The following UBR4 variants were observed in gnomAD, a reference collection of about 807,000 sequenced individuals.
The protein encoded by UBR4 is E3 ubiquitin-protein ligase UBR4.
In UBR4, 124 loss-of-function variants were observed where a neutral mutation model predicts 575.6. The ratio of observed to expected loss-of-function variants is 0.22; its 90% CI spans 0.19 to 0.25. The LOEUF (loss-of-function observed/expected upper bound fraction) is 0.25, where lower values mean the gene tolerates loss of function less well. Ranked by LOEUF, UBR4 falls within the 10% of genes least tolerant of loss-of-function variation. The pLI, the probability that UBR4 is intolerant of heterozygous loss-of-function variation, is 1.00. For missense variants in UBR4, 4,818 were observed against 6,478.8 expected, an observed-to-expected ratio of 0.74 and a Z score of 8.80; for synonymous variants, 2,455 against 2,473.7, an observed-to-expected ratio of 0.99 and a Z score of 0.22.
Position 19,084,698 on chromosome 1 carries a change from T to C in UBR4, c.14814A>G (p.Arg4938=), listed in dbSNP as rs2076837111. The C allele has an allele frequency of 2.5e-6, 4 of 1,594,496 alleles. No homozygotes were observed. Among genetic ancestry groups the C allele is most frequent in the African/African-American group, 2.7e-5 (2 of 74,512 alleles). The change falls in exon 102 of 106, where the codon AGA becomes AGG. Residue 4938 remains arginine, a splice_region_variant and synonymous_variant. Coordinates refer to ENST00000375254, the MANE Select transcript of UBR4 (RefSeq NM_020765.3). ...TACATTCCTGGAGGTAAGTGTTGTGTCTAGAGGGAAGCAGAACAAACAATG... is the reference window on the plus strand; with the variant it reads ...TACATTCCTGGAGGTAAGTGTTGTGCCTAGAGGGAAGCAGAACAAACAATG... ...PESAFATCLA[R]HNTYLQECTG...
intron 50 of UBR4, 125 bp downstream of exon 50, chr1:19,148,438 T>C: frequency 7.8e-7 from 1 of 1,280,258 alleles, no homozygotes; most frequent in Non-Finnish European, 1.1e-6. Context: ...CTCTGGAGCT[T>C]CTTAGCAAAT....
intron 60 of UBR4, among the ~76,000 whole-genome samples, chr1:19,132,885 T>A (rs570671621): frequency 1.2e-4 from 19 of 152,182 alleles, no homozygotes; most frequent in African/African-American, 4.3e-4. Context: ...AACAAATTCC[T>A]TGTAAAATAC....
chr1:19,118,948 ACTC>A lies in UBR4; in HGVS notation c.10462_10464del (p.Glu3488del). 1 of 1,614,068 alleles carries A rather than the reference ACTC, an allele frequency of 6.2e-7. No homozygotes were observed. Among genetic ancestry groups the A allele is most frequent in the Non-Finnish European group, 8.5e-7 (1 of 1,179,970 alleles). On this transcript the variant is annotated inframe_deletion, in exon 71 of 106. Coordinates refer to ENST00000375254, the MANE Select transcript of UBR4 (RefSeq NM_020765.3). The stretch of plus-strand genomic sequence containing the variant: ...AGAATCTCCACAGCCTTCTGTGAAT[ACTC>A]CTTCAACTGAAACAGAATTCAGTAA...
At position 19,126,531 on chromosome 1, in the gene UBR4, G is replaced by A. The variant is rs764961768; in HGVS notation, c.9353C>T (p.Pro3118Leu). 1.2e-6 allele frequency: 2 copies of A among 1,614,114 alleles called. No homozygotes were observed. The highest frequency in any genetic ancestry group is 1.3e-5 in the African/African-American group (1 of 74,938). ...TTTCAGCAACTGGCTGGTAGCCACA[G>A]GCTCCTCGTCATTCTGTTGGCTCTT... ...YWKSQQNDEE[P>L]VATSQLLKPH... The change falls in exon 64 of 106, where the codon CCT becomes CTT. Residue 3118 changes from proline (P) to leucine (L), a missense_variant. By Grantham distance (98) the Pro-to-Leu change is moderately conservative. Transcript: ENST00000375254.
intron 97 of UBR4, among the ~76,000 whole-genome samples, chr1:19,090,343 C>G (rs970218908): frequency 1.3e-5 from 2 of 152,224 alleles, no homozygotes; most frequent in Admixed American, 6.5e-5. Context: ...TCAATTCACT[C>G]TCTGTAATAT....
In UBR4 at chr1:19,093,540, A is replaced by T. The variant is rs112436900; in HGVS notation, c.13938-54T>A. The T allele has an allele frequency of 1.7e-3, 2,609 of 1,579,652 alleles. 40 individuals are homozygous for T. The African/African-American group carries it at 0.031, about 19-fold the overall frequency. On this transcript the variant is annotated intron_variant, in intron 95 of 105. Coordinates refer to ENST00000375254, the MANE Select transcript of UBR4 (RefSeq NM_020765.3). The surrounding 1 kb of genome is among the most constrained non-coding windows in gnomAD (Gnocchi z 4.8). ...GTGAAAGGCGGGACAAAACCCAGTCATGTCACCCTCTTGGTTAACAACTGT... is the reference window on the plus strand; with the variant it reads ...GTGAAAGGCGGGACAAAACCCAGTCTTGTCACCCTCTTGGTTAACAACTGT...
Position 19,096,439 on chromosome 1 carries a change from GAC to G in UBR4, c.13518+82_13518+83del, listed in dbSNP as rs554467962. 1.6e-4 allele frequency: 248 copies of G among 1,544,372 alleles called. 1 individual carries two copies. The African/African-American group carries it at 3.2e-3, about 20-fold the overall frequency. The stretch of plus-strand genomic sequence containing the variant: ...ACCATGCTGCCCTCTAGGGTAAAAT[GAC>G]ACAGTGGCCATAGCTTCTTTCCACA... On this transcript the variant is annotated intron_variant, in intron 92 of 105. Transcript: ENST00000375254.
In UBR4 at chr1:19,124,659, G is replaced by A. The variant is rs2081532029; in HGVS notation, c.9470C>T (p.Thr3157Ile). 1 of 1,614,174 alleles carries A rather than the reference G, an allele frequency of 6.2e-7. No individual in the cohort carries two copies. The highest frequency in any genetic ancestry group is 8.5e-7 in the Non-Finnish European group (1 of 1,180,018). ...CAGTACCATTTCTGTTAGAAGCTGA[G>A]TATAGGCCTCAAACACATCAGCAGC... ...GHAADVFEAY[T>I]QLLTEMVLRL... The change falls in exon 65 of 106, where the codon ACT becomes ATT. Residue 3157 changes from threonine to isoleucine, a missense_variant. Physicochemically the swap from Thr to Ile is moderately conservative, Grantham distance 89 (BLOSUM62 -1). Coordinates refer to ENST00000375254, the MANE Select transcript of UBR4 (RefSeq NM_020765.3).
In UBR4 at chr1:19,161,204, C is replaced by T. The variant is rs1252032193; in HGVS notation, c.5176-57G>A. On this transcript the variant is annotated intron_variant, in intron 37 of 105. Coordinates refer to ENST00000375254, the MANE Select transcript of UBR4 (RefSeq NM_020765.3). ...TCTTGCCTCAAGCACAGAGGAAATA[C>T]TGCCTGAGATCTCCGAGGAAAATTT... The T allele has an allele frequency of 1.2e-5, 18 of 1,518,202 alleles. 1 individual carries two copies. The South Asian group carries it at 1.9e-4, about 16-fold the overall frequency. The allele number at this position is 1,518,202 out of a possible 1,614,324, so 94.0% of individuals were successfully genotyped here. A position where few individuals can be genotyped will look rare whatever the true frequency, so the allele number is the denominator to read the frequency against.
chr1:19,124,780 A>T, intron 64 of UBR4, 90 bp from the exon 65 acceptor site: 1 of 1,515,456 alleles, frequency 6.6e-7, no homozygotes, highest in Non-Finnish European at 8.9e-7. Flanking sequence ...GACGTATTAC[A>T]TGTTGGAGGT....
At chr1:19,114,188 T>C (rs555273797) in intron 75 of UBR4, 118 bp from the exon 76 acceptor site, 46 of 1,314,070 alleles carry the variant, frequency 3.5e-5, no homozygotes, top group Admixed American at 1.5e-4. Context: ...CTGTGTTTCA[T>C]ACATTATCTC....
Position 19,124,583 on chromosome 1 carries a change from T to C in UBR4, c.9546A>G (p.Pro3182=). ...ACCACGAGTGGTCAAAGACAGGAGGTGGGATTCGAGAATTGGTGTCAGTAA... is the reference window on the plus strand; with the variant it reads ...ACCACGAGTGGTCAAAGACAGGAGGCGGGATTCGAGAATTGGTGTCAGTAA... ...KKITDTNSRI[P]PPVFDHSWFY... The change falls in exon 65 of 106, where the codon CCA becomes CCG. Residue 3182 remains proline, a synonymous_variant. Coordinates refer to ENST00000375254, the MANE Select transcript of UBR4 (RefSeq NM_020765.3). 6.2e-7 allele frequency: 1 copy of C among 1,613,992 alleles called. No homozygotes were observed. Among genetic ancestry groups the C allele is most frequent in the East Asian group, 2.2e-5 (1 of 44,876 alleles).
At chr1:19,096,409 A>G in intron 92 of UBR4, 114 bp downstream of exon 92, 1 of 1,488,622 alleles carries the variant, frequency 6.7e-7, no homozygotes, top group Non-Finnish European at 8.9e-7. Context: ...GCACTGCTCC[A>G]CGGCACCATG....
Position 19,156,886 on chromosome 1 carries a change from C to T in UBR4, c.5800G>A (p.Asp1934Asn), listed in dbSNP as rs147591191. 9.9e-6 allele frequency: 16 copies of T among 1,614,004 alleles called. No homozygotes were observed. Among genetic ancestry groups the T allele is most frequent in the Non-Finnish European group, 1.4e-5 (16 of 1,180,010 alleles). Reference protein sequence around the residue: ...LQLSALLKQADSSKRKLTLTR... With the variant: ...LQLSALLKQANSSKRKLTLTR... ...AGAGTTAACTTCCTTTTGCTGGAAT[C>T]TGCTTGCTTCAGGAGTGCAGAGAGC... Residue 1934 changes from aspartate (D) to asparagine (N), a missense_variant, in exon 41 of 106, where the codon GAT becomes AAT. By Grantham distance (23) the Asp-to-Asn change is conservative. This residue lies in a region of UBR4 where 461 missense variants were observed against 606.9 expected (regional missense o/e 0.76). Coordinates refer to ENST00000375254, the MANE Select transcript of UBR4 (RefSeq NM_020765.3).
chr1:19,152,328 A>G lies in UBR4; in HGVS notation c.6981T>C (p.Tyr2327=), dbSNP rs1285667159. 1.2e-6 allele frequency: 2 copies of G among 1,614,004 alleles called. No individual in the cohort carries two copies. Among genetic ancestry groups the G allele is most frequent in the East Asian group, 4.5e-5 (2 of 44,890 alleles). ...IKHRLNSTGM[Y]VANTKPGGFT... ...CCATTCTTACCTTGGTGTTGGCCACATACATGCCAGTGGAATTCAGCCGGT... is the reference window on the plus strand; with the variant it reads ...CCATTCTTACCTTGGTGTTGGCCACGTACATGCCAGTGGAATTCAGCCGGT... Residue 2327 remains tyrosine (Y), a synonymous_variant, in exon 47 of 106, where the codon TAT becomes TAC. Transcript: ENST00000375254. The surrounding 1 kb of genome is among the most constrained non-coding windows in gnomAD (Gnocchi z 4.4).
At chr1:19,158,453 T>C (rs2086756827) in intron 39 of UBR4, among the ~76,000 whole-genome samples, 2 of 147,126 alleles carry the variant, frequency 1.4e-5, no homozygotes, top group South Asian at 2.1e-4. Context: ...CCGTGACTCA[T>C]TTTTTTTTTT....
chr1:19,144,661 T>C lies in UBR4; in HGVS notation c.8067+125A>G, dbSNP rs569234410. 112 of 1,360,124 alleles carry C rather than the reference T, an allele frequency of 8.2e-5. No homozygotes were observed. The African/African-American group carries it at 1.3e-3, about 16-fold the overall frequency. The allele number at this position is 1,360,124 out of a possible 1,614,324, so 84.3% of individuals were successfully genotyped here. On this transcript the variant is annotated intron_variant, in intron 54 of 105. Coordinates refer to ENST00000375254, the MANE Select transcript of UBR4 (RefSeq NM_020765.3). ...TAAGATCTTAAAGCTTTTATTGATA[T>C]TTGAAACTTCATTCCCTTCAGCTTC...
At position 19,102,848 on chromosome 1, in the gene UBR4, C is replaced by T. The variant is rs2078781586; in HGVS notation, c.12902-1207G>A. 2.0e-5 allele frequency among the ~76,000 whole-genome samples: 3 copies of T among 152,226 alleles called. No homozygotes were observed. In the South Asian group the frequency reaches 6.2e-4, roughly 32 times the overall value. Reference sequence around the variant, plus strand: ...GCAGAGATCAGCTATCCCTTTCCCCCAACCAAATAACTGAGGAAATTGACT... The same window carrying T: ...GCAGAGATCAGCTATCCCTTTCCCCTAACCAAATAACTGAGGAAATTGACT... On this transcript the variant is annotated intron_variant, in intron 87 of 105. Coordinates refer to ENST00000375254, the MANE Select transcript of UBR4 (RefSeq NM_020765.3).
intron 11 of UBR4, among the ~76,000 whole-genome samples, chr1:19,189,443 A>G (rs1024511956): frequency 1.3e-5 from 2 of 152,252 alleles, no homozygotes; most frequent in Admixed American, 1.3e-4. Context: ...GAATTAGGCA[A>G]CTACGGTATA....
Sources: gnomAD v4.1 joint callset for allele counts (sites outside exome capture counted in the v4.1 genomes callset) on GRCh38, gnomAD v4.1.1 for gene constraint, gnomAD v4.1.1 regional missense constraint, Gnocchi (gnomAD v3.1) non-coding constraint, MANE v1.5 for transcripts, NCBI Gene and HGNC (gene_info 2026-07-23, HGNC 2026-07-21) for gene names.